The following DPYD variants were observed in gnomAD, a reference collection of about 807,000 sequenced individuals.
The protein encoded by DPYD is dihydropyrimidine dehydrogenase [NADP(+)].
Under a neutral mutation model 116.2 loss-of-function variants are expected in DPYD, and 109 were observed. That is an observed-to-expected ratio of 0.94 (90% CI 0.80 to 1.10). DPYD has a LOEUF of 1.10. Ranked by LOEUF, DPYD falls within the 50% of genes least tolerant of loss-of-function variation. The pLI, the probability that DPYD is intolerant of heterozygous loss-of-function variation, is 0.00. For missense variants in DPYD, 1,302 were observed against 1,254.5 expected, an observed-to-expected ratio of 1.04 and a Z score of -0.57; for synonymous variants, 440 against 432.0, an observed-to-expected ratio of 1.02 and a Z score of -0.23.
chr1:97,210,664 T>A (rs1284701890), intron 19 of DPYD, among the ~76,000 whole-genome samples: 5 of 152,290 alleles, frequency 3.3e-5, no homozygotes, highest in Admixed American at 1.3e-4. Context: ...ACATGCATTT[T>A]CAGGCTTGAG....
chr1:97,285,525 C>A (rs180729107), intron 18 of DPYD, among the ~76,000 whole-genome samples: 1 of 152,084 alleles, frequency 6.6e-6, no homozygotes, highest in Admixed American at 6.5e-5. Flanking sequence ...TCAGAAATAC[C>A]TGGTCAGAAA....
At chr1:97,443,562 AAGG>A (rs1311514949) in intron 14 of DPYD, among the ~76,000 whole-genome samples, 1 of 152,196 alleles carries the variant, frequency 6.6e-6, no homozygotes. Context: ...AGAGGGAACA[AAGG>A]AGAAGTCCCT....
At chr1:97,752,110 T>G (rs1411519090) in intron 3 of DPYD, among the ~76,000 whole-genome samples, 1 of 151,900 alleles carries the variant, frequency 6.6e-6, no homozygotes, top group Non-Finnish European at 1.5e-5. Flanking sequence ...AGTGCAACAG[T>G]GATTGCCATT....
intron 11 of DPYD, among the ~76,000 whole-genome samples, chr1:97,563,779 T>C (rs1652331710): frequency 6.6e-6 from 1 of 152,182 alleles, no homozygotes; most frequent in African/African-American, 2.4e-5. Flanking sequence ...TCCCAATCAC[T>C]TTCAACACTG....
chr1:97,593,720 A>G (rs1654684396), intron 9 of DPYD, among the ~76,000 whole-genome samples: 1 of 152,194 alleles, frequency 6.6e-6, no homozygotes. Context: ...TTAACTCAGC[A>G]TAATTTTCCT....
chr1:97,257,452 T>TATATATATATAGAGAGAGAGAGAG (rs375490078), intron 18 of DPYD, among the ~76,000 whole-genome samples: 8 of 126,470 alleles, frequency 6.3e-5, no homozygotes, highest in South Asian at 2.7e-4. Flanking sequence ...TATATATATA[T>TATATATATATAGAGAGAGAGAGAG]AGAGAGAGAG....
At chr1:97,272,699 A>T (rs1664668864) in intron 18 of DPYD, among the ~76,000 whole-genome samples, 1 of 152,156 alleles carries the variant, frequency 6.6e-6, no homozygotes, top group Admixed American at 6.5e-5. Context: ...TGACATAGTG[A>T]TCTTCACTCA....
At chr1:97,134,772 G>A (rs760053005) in intron 20 of DPYD, among the ~76,000 whole-genome samples, 7 of 152,126 alleles carry the variant, frequency 4.6e-5, no homozygotes, top group Admixed American at 1.3e-4. Context: ...GCAGGGCCAC[G>A]TGAGATGTTG....
At chr1:97,409,142 G>A (rs1271144582) in intron 14 of DPYD, among the ~76,000 whole-genome samples, 3 of 152,010 alleles carry the variant, frequency 2.0e-5, no homozygotes, top group South Asian at 2.1e-4. Flanking sequence ...TCTAGAGAAC[G>A]CTGACTAATA....
At chr1:97,572,748 A>G (rs1450805241) in intron 11 of DPYD, among the ~76,000 whole-genome samples, 1 of 152,028 alleles carries the variant, frequency 6.6e-6, no homozygotes, top group African/African-American at 2.4e-5. Flanking sequence ...ATTTATCTCG[A>G]TGACATTAAA....
intron 13 of DPYD, among the ~76,000 whole-genome samples, chr1:97,489,761 A>T (rs918844278): frequency 2.6e-5 from 4 of 152,222 alleles, no homozygotes; most frequent in Non-Finnish European, 5.9e-5. Flanking sequence ...CTATTTCATT[A>T]TAATAATTTT....
intron 1 of DPYD, among the ~76,000 whole-genome samples, chr1:97,906,235 T>C (rs1014701312): frequency 1.3e-5 from 2 of 152,084 alleles, no homozygotes; most frequent in Non-Finnish European, 1.5e-5. Context: ...ACAAAACTTA[T>C]ATGAATTTCT....
At chr1:97,873,279 T>C (rs1299185424) in intron 2 of DPYD, among the ~76,000 whole-genome samples, 1 of 152,008 alleles carries the variant, frequency 6.6e-6, no homozygotes, top group East Asian at 1.9e-4. Context: ...TATATAAGTT[T>C]CAAAGTGAAA....
At chr1:97,155,670 C>G (rs1655394440) in intron 20 of DPYD, among the ~76,000 whole-genome samples, 1 of 151,962 alleles carries the variant, frequency 6.6e-6, no homozygotes, top group Non-Finnish European at 1.5e-5. Flanking sequence ...TTACATTTAC[C>G]CAAGTTTCAT....
chr1:97,854,502 G>GT (rs1670722329), intron 2 of DPYD, among the ~76,000 whole-genome samples: 2 of 152,198 alleles, frequency 1.3e-5, no homozygotes, highest in African/African-American at 4.8e-5. Flanking sequence ...AGCAGAGAGA[G>GT]TTCTATTCAG....
chr1:97,205,548 T>G (rs1304682868), intron 19 of DPYD, among the ~76,000 whole-genome samples: 1 of 152,156 alleles, frequency 6.6e-6, no homozygotes, highest in Non-Finnish European at 1.5e-5. Context: ...TAGTAAGAAC[T>G]TCATATATTT....
chr1:97,246,422 A>G (rs1244162093), intron 18 of DPYD, among the ~76,000 whole-genome samples: 1 of 152,078 alleles, frequency 6.6e-6, no homozygotes, highest in Non-Finnish European at 1.5e-5. Context: ...AGGAAATCTG[A>G]GGTGGTCTAG....
At chr1:97,533,173 G>A (rs1393665048) in intron 12 of DPYD, among the ~76,000 whole-genome samples, 1 of 151,704 alleles carries the variant, frequency 6.6e-6, no homozygotes, top group Non-Finnish European at 1.5e-5. Flanking sequence ...CAGCACTGGG[G>A]ATTACAATTC....
rs1679000141 is a variant in DPYD, at chr1:97,491,962, A to G, written c.1740+23764T>C. Among the ~76,000 whole-genome samples the G allele has an allele frequency of 3.3e-5, 5 of 152,212 alleles. No individual in the cohort carries two copies. The South Asian group carries it at 1.0e-3, about 32-fold the overall frequency. On this transcript the variant is annotated intron_variant, in intron 13 of 22. Coordinates refer to ENST00000370192, the MANE Select transcript of DPYD (RefSeq NM_000110.4). ...ACAGGGCTTATTATGGATACATCTC[A>G]TGTATTCTGCGGCAGGTTTCCCTTT... is the stretch of plus-strand genomic sequence containing the variant.
Sources: gnomAD v4.1 joint callset for allele counts (sites outside exome capture counted in the v4.1 genomes callset) on GRCh38, gnomAD v4.1.1 for gene constraint, MANE v1.5 for transcripts, NCBI Gene and HGNC (gene_info 2026-07-23, HGNC 2026-07-21) for gene names.